Variants in TMEFF1 observed in about 807,000 individuals in gnomAD.
The protein encoded by TMEFF1 is tomoregulin-1.
A neutral mutation model predicts 47.5 loss-of-function variants in TMEFF1; 20 were observed. The observed-to-expected ratio is 0.42, with a 90% CI of 0.30 to 0.61. The LOEUF is 0.61. TMEFF1 is among the 20% of genes least tolerant of loss of function. The pLI, the probability that TMEFF1 is intolerant of heterozygous loss-of-function variation, is 0.19. For missense variants in TMEFF1, 411 were observed against 471.1 expected, an observed-to-expected ratio of 0.87 and a Z score of 1.18; for synonymous variants, 162 against 166.3, an observed-to-expected ratio of 0.97 and a Z score of 0.20.
chr9:100,513,387 C>CTTTT, intron 4 of TMEFF1, 54 bp downstream of exon 4: 1 of 1,380,614 alleles, frequency 7.2e-7, no homozygotes, highest in Non-Finnish European at 9.6e-7. Flanking sequence ...TTCTTTCTTT[C>CTTTT]TTTTTCTTTT....
rs917986661 is a variant in TMEFF1, at chr9:100,555,191, A to ACG, written c.775+5032_775+5033insGC. On this transcript the variant is annotated intron_variant, in intron 7 of 9. Coordinates refer to ENST00000374879, the MANE Select transcript of TMEFF1 (RefSeq NM_003692.5). ...CACACACACACACACACACACACAC[A>ACG]CACGCACACACATTGTTGCAGTTGC... Among the ~76,000 whole-genome samples, 6 of 151,360 alleles carry ACG rather than the reference A, an allele frequency of 4.0e-5. 1 individual carries two copies. The highest frequency in any genetic ancestry group is 1.2e-4 in the African/African-American group (5 of 41,392).
chr9:100,517,505 A>G (rs1422029706), intron 5 of TMEFF1, among the ~76,000 whole-genome samples: 1 of 152,254 alleles, frequency 6.6e-6, no homozygotes, highest in Non-Finnish European at 1.5e-5. Flanking sequence ...CAGTAATAAT[A>G]TGATCTAATT....
intron 7 of TMEFF1, among the ~76,000 whole-genome samples, chr9:100,553,665 T>C (rs1050595913): frequency 7.2e-5 from 11 of 152,204 alleles, no homozygotes; most frequent in Non-Finnish European, 1.3e-4. Context: ...AAGGATATGA[T>C]TGAGCATGAG....
intron 5 of TMEFF1, among the ~76,000 whole-genome samples, chr9:100,538,971 C>G (rs572939936): frequency 6.6e-6 from 1 of 152,072 alleles, no homozygotes; most frequent in East Asian, 1.9e-4. Context: ...CTGGCTCAAT[C>G]TCAGCTCATC....
chr9:100,547,671 G>A (rs890420839), intron 5 of TMEFF1, 73 bp from the exon 6 acceptor site: 8 of 1,359,058 alleles, frequency 5.9e-6, no homozygotes, highest in Middle Eastern at 2.8e-4. Flanking sequence ...GAAAGAATTG[G>A]TCTTTTTTGC....
intron 1 of TMEFF1, among the ~76,000 whole-genome samples, chr9:100,497,602 C>G (rs1837676190): frequency 6.6e-6 from 1 of 152,000 alleles, no homozygotes; most frequent in Non-Finnish European, 1.5e-5. Context: ...GACACCACTG[C>G]AGAGCAGTGG....
chr9:100,540,296 AT>A (rs953666526), intron 5 of TMEFF1, among the ~76,000 whole-genome samples: 68 of 152,294 alleles, frequency 4.5e-4, no homozygotes, highest in African/African-American at 1.5e-3. Context: ...CAGAGTGTTG[AT>A]TGGTGCGTTT....
At chr9:100,554,782 T>C (rs979623007) in intron 7 of TMEFF1, among the ~76,000 whole-genome samples, 7 of 151,772 alleles carry the variant, frequency 4.6e-5, no homozygotes, top group African/African-American at 9.7e-5. Flanking sequence ...CAGGGTAGTA[T>C]AGGGGAAGCA....
At chr9:100,534,090 G>A (rs890612631) in intron 5 of TMEFF1, among the ~76,000 whole-genome samples, 1 of 152,192 alleles carries the variant, frequency 6.6e-6, no homozygotes, top group East Asian at 1.9e-4. Flanking sequence ...AGTGTTTCAG[G>A]AAGAGGGAAA....
intron 3 of TMEFF1, among the ~76,000 whole-genome samples, chr9:100,509,669 G>A (rs1837926322): frequency 6.6e-6 from 1 of 151,968 alleles, no homozygotes; most frequent in South Asian, 2.1e-4. Context: ...AGCTACTCGG[G>A]AGGCTGAGGC....
At chr9:100,568,370 C>T (rs930993474) in intron 8 of TMEFF1, among the ~76,000 whole-genome samples, 1 of 152,066 alleles carries the variant, frequency 6.6e-6, no homozygotes, top group Non-Finnish European at 1.5e-5. Flanking sequence ...TTAAAAAATC[C>T]CATGAGACTT....
At chr9:100,481,485 A>G (rs1837337121) in intron 1 of TMEFF1, among the ~76,000 whole-genome samples, 1 of 152,252 alleles carries the variant, frequency 6.6e-6, no homozygotes, top group Admixed American at 6.5e-5. Flanking sequence ...GGAAAAGAGA[A>G]GGGAGTCTTT....
At chr9:100,503,072 A>G (rs770155125) in intron 2 of TMEFF1, among the ~76,000 whole-genome samples, 36 of 152,178 alleles carry the variant, frequency 2.4e-4, no homozygotes, top group Non-Finnish European at 2.5e-4. Flanking sequence ...GCTTAAAAAT[A>G]ATGACCTGAC....
intron 1 of TMEFF1, among the ~76,000 whole-genome samples, chr9:100,484,783 C>T (rs534740847): frequency 1.3e-4 from 19 of 151,810 alleles, no homozygotes; most frequent in South Asian, 4.2e-4. Flanking sequence ...TCCGCCTCCC[C>T]GGTTCAAGAG....
intron 7 of TMEFF1, among the ~76,000 whole-genome samples, chr9:100,552,189 C>T (rs1478278072): frequency 6.6e-6 from 1 of 151,914 alleles, no homozygotes; most frequent in Non-Finnish European, 1.5e-5. Flanking sequence ...TATTTGTGGG[C>T]AGTGGGGAAT....
intron 5 of TMEFF1, among the ~76,000 whole-genome samples, chr9:100,538,655 A>G (rs1428682871): frequency 6.6e-6 from 1 of 152,154 alleles, no homozygotes; most frequent in Non-Finnish European, 1.5e-5. Flanking sequence ...ATTTTGTATA[A>G]ATGGAATCAT....
At chr9:100,498,599 G>A (rs779960247) in intron 1 of TMEFF1, among the ~76,000 whole-genome samples, 166 bp from the exon 2 acceptor site, 1 of 152,006 alleles carries the variant, frequency 6.6e-6, no homozygotes, top group African/African-American at 2.4e-5. Flanking sequence ...TGAGCATTTT[G>A]TGTCTTACAG....
rs3055671 is a variant in TMEFF1, at chr9:100,475,715, CTGTGTGTGTG to C, written c.196+2007_196+2016del. On this transcript the variant is annotated intron_variant, in intron 1 of 9. Coordinates refer to ENST00000374879, the MANE Select transcript of TMEFF1 (RefSeq NM_003692.5). ...GATGTGGGTTGGTGATGCAGAGCGA[CTGTGTGTGTG>C]TGTGTGTGTGTGTGTGTGTGTGTGT... is the stretch of plus-strand genomic sequence containing the variant. 1.6e-3 allele frequency among the ~76,000 whole-genome samples: 220 copies of C among 140,928 alleles called. 1 individual carries two copies. The highest frequency in any genetic ancestry group is 8.1e-3 in the South Asian group (35 of 4,336). The allele number at this position is 140,928 out of a possible 152,430, so 92.5% of individuals were successfully genotyped here. A position where few individuals can be genotyped will look rare whatever the true frequency, so the allele number is the denominator to read the frequency against.
At chr9:100,498,979 AT>A (rs1310703060) in intron 2 of TMEFF1, 105 bp downstream of exon 2, 1 of 1,235,150 alleles carries the variant, frequency 8.1e-7, no homozygotes, top group African/African-American at 1.5e-5. Flanking sequence ...CCATAAAGAA[AT>A]TGGGGTCACA....
Sources: allele counts gnomAD v4.1 joint callset (sites outside exome capture counted in the v4.1 genomes callset), GRCh38; gene constraint gnomAD v4.1.1; transcripts MANE v1.5; gene names NCBI Gene and HGNC (gene_info 2026-07-23, HGNC 2026-07-21).